Variants in UBE2F observed in about 807,000 individuals in gnomAD.
The protein encoded by UBE2F is ubiquitin conjugating enzyme E2 F (putative).
A neutral mutation model predicts 29.6 loss-of-function variants in UBE2F; 5 were observed. The ratio of observed to expected loss-of-function variants is 0.17; its 90% confidence interval spans 0.09 to 0.36. The LOEUF (loss-of-function observed/expected upper bound fraction) is 0.36. UBE2F is among the 10% of genes least tolerant of loss of function. The pLI is 1.00. For missense variants in UBE2F, 141 were observed against 228.5 expected (o/e 0.62, Z 2.47); for synonymous variants, 66 against 81.8 (o/e 0.81, Z 1.04).
intron 3 of UBE2F, among the ~76,000 whole-genome samples, chr2:237,988,632 AAAG>A (rs1272927543): frequency 6.6e-6 from 1 of 151,742 alleles, no homozygotes; most frequent in African/African-American, 2.4e-5. Context: ...AAAAAAAAAA[AAAG>A]AGCAAGGTTC....
chr2:238,022,033 C>A (rs1269739656), intron 5 of UBE2F, among the ~76,000 whole-genome samples: 1 of 152,190 alleles, frequency 6.6e-6, no homozygotes, highest in Non-Finnish European at 1.5e-5. Flanking sequence ...GCATCCTCAC[C>A]ATCCATGTTT....
chr2:238,013,039 G>A (rs1053091802), intron 4 of UBE2F, among the ~76,000 whole-genome samples: 1 of 152,146 alleles, frequency 6.6e-6, no homozygotes, highest in Admixed American at 6.5e-5. Flanking sequence ...ACTTTGGGGA[G>A]GCCAAGATGG....
chr2:237,984,996 C>CAAAAAAA (rs55984976), intron 2 of UBE2F, among the ~76,000 whole-genome samples: 1 of 129,978 alleles, frequency 7.7e-6, no homozygotes. Flanking sequence ...TGGAAAAAGG[C>CAAAAAAA]AAAAAAAAAA....
intron 3 of UBE2F, among the ~76,000 whole-genome samples, chr2:237,992,362 G>A (rs935741061): frequency 6.6e-6 from 1 of 152,184 alleles, no homozygotes; most frequent in Non-Finnish European, 1.5e-5. Flanking sequence ...ATTTATCTTT[G>A]CAAGTTAAGA....
intron 4 of UBE2F, among the ~76,000 whole-genome samples, chr2:238,005,713 A>G (rs1055717392): frequency 7.2e-5 from 11 of 151,814 alleles, no homozygotes; most frequent in African/African-American, 2.7e-4. Flanking sequence ...ACATGACTAT[A>G]TGTGTGTGGG....
intron 1 of UBE2F, among the ~76,000 whole-genome samples, chr2:237,971,882 C>T (rs2063183607): frequency 6.6e-6 from 1 of 152,154 alleles, no homozygotes; most frequent in South Asian, 2.1e-4. Context: ...TGTGTTGGGG[C>T]AGGGGGCGTA....
Position 237,982,283 on chromosome 2 carries a change from G to A in UBE2F, c.119-5680G>A, listed in dbSNP as rs1354247028. On this transcript the variant is annotated intron_variant, in intron 2 of 9. Transcript: ENST00000272930. The surrounding 1 kb of genome is among the most constrained non-coding windows in gnomAD (Gnocchi z 4.1). ...TGCTCCCGCACCCCTATCCCCGTAG[G>A]AGAAGGGGCCTGGCTCTGTTGCCCA... 6.6e-6 allele frequency among the ~76,000 whole-genome samples: 1 copy of A among 152,108 alleles called. No individual in the cohort carries two copies. Among genetic ancestry groups the A allele is most frequent in the Non-Finnish European group, 1.5e-5 (1 of 68,022 alleles).
chr2:237,975,460 T>G (rs2063262550), intron 2 of UBE2F, among the ~76,000 whole-genome samples: 1 of 152,148 alleles, frequency 6.6e-6, no homozygotes, highest in African/African-American at 2.4e-5. Context: ...AAGGGTTGAT[T>G]AGTGTATTCG....
At chr2:237,975,457 GATT>G (rs2063262413) in intron 2 of UBE2F, among the ~76,000 whole-genome samples, 1 of 152,132 alleles carries the variant, frequency 6.6e-6, no homozygotes, top group African/African-American at 2.4e-5. Context: ...GCAAAGGGTT[GATT>G]AGTGTATTCG....
chr2:238,007,377 C>G (rs1576618483), intron 4 of UBE2F, among the ~76,000 whole-genome samples: 1 of 152,102 alleles, frequency 6.6e-6, no homozygotes, highest in East Asian at 1.9e-4. Context: ...CCACCTTGGT[C>G]TCCCAAAGTG....
At position 238,034,439 on chromosome 2, in the gene UBE2F, A is replaced by T. The variant is rs536634212; in HGVS notation, c.445-1439A>T. On this transcript the variant is annotated intron_variant, in intron 8 of 9. Transcript: ENST00000272930. ...GCGAAAATCCGTCTCAAAAAAAAAA[A>T]TTTTTTTTTAAGAAATCTGCTACAG... 5.4e-3 allele frequency among the ~76,000 whole-genome samples: 817 copies of T among 151,588 alleles called. 8 individuals carry two copies. Among genetic ancestry groups the T allele is most frequent in the African/African-American group, 0.019 (783 of 41,364 alleles).
intron 9 of UBE2F, among the ~76,000 whole-genome samples, chr2:238,036,635 G>A (rs1211448418): frequency 1.3e-5 from 2 of 152,140 alleles, no homozygotes; most frequent in Non-Finnish European, 2.9e-5. Context: ...AGGAGTTTGA[G>A]ACCAGCCTGG....
rs183113955 is a variant in UBE2F, at chr2:238,037,294, C to T, written c.507+1354C>T. 2.1e-3 allele frequency among the ~76,000 whole-genome samples: 321 copies of T among 152,336 alleles called. 1 individual carries two copies. Among genetic ancestry groups the T allele is most frequent in the Non-Finnish European group, 3.1e-3 (214 of 68,036 alleles). ...TGAAAGAATTATAGTTGCTGAATGTCACCTTTCCACTGTGCTTGAGTAGCA... is the reference window on the plus strand; with the variant it reads ...TGAAAGAATTATAGTTGCTGAATGTTACCTTTCCACTGTGCTTGAGTAGCA... On this transcript the variant is annotated intron_variant, in intron 9 of 9. Transcript: ENST00000272930.
chr2:237,984,761 G>C (rs994158380), intron 2 of UBE2F, among the ~76,000 whole-genome samples: 3 of 152,078 alleles, frequency 2.0e-5, no homozygotes, highest in African/African-American at 7.2e-5. Flanking sequence ...TATTTAAGGT[G>C]TGCAACAAGA....
At chr2:238,036,030 C>A in intron 9 of UBE2F, 90 bp downstream of exon 9, 1 of 1,201,224 alleles carries the variant, frequency 8.3e-7, no homozygotes, top group Non-Finnish European at 1.2e-6. Context: ...AGAAATTTAT[C>A]CACCAAGAGA....
At position 237,994,419 on chromosome 2, in the gene UBE2F, T is replaced by C. The variant is rs58015596; in HGVS notation, c.149-325T>C. Among the ~76,000 whole-genome samples the C allele has an allele frequency of 1.1e-3, 166 of 152,348 alleles. 2 individuals are homozygous for C. In the East Asian group the frequency reaches 0.027, roughly 24 times the overall value. On this transcript the variant is annotated intron_variant, in intron 3 of 9. Transcript: ENST00000272930. ...TGCATGTATTAATCTCCCTGAGATA[T>C]GGTTTCTTCTTGTCAAAGTACAGTA...
chr2:238,011,183 TGCAG>T (rs2064018441), intron 4 of UBE2F, among the ~76,000 whole-genome samples: 1 of 152,178 alleles, frequency 6.6e-6, no homozygotes, highest in South Asian at 2.1e-4. Flanking sequence ...GCCAGCTACA[TGCAG>T]GGGCCTGCAG....
At chr2:237,972,827 A>G (rs1026038) in intron 1 of UBE2F, among the ~76,000 whole-genome samples, 64,441 of 151,922 alleles carry the variant, frequency 0.42, 13,989 homozygotes, top group East Asian at 0.71. Flanking sequence ...TGCTGGGATT[A>G]TAGTTGTGAG....
At chr2:238,036,877 C>T (rs2064724138) in intron 9 of UBE2F, among the ~76,000 whole-genome samples, 1 of 152,068 alleles carries the variant, frequency 6.6e-6, no homozygotes, top group South Asian at 2.1e-4. Flanking sequence ...GTGTCACACC[C>T]ACTAGCACCC....
Sources: gnomAD v4.1 joint callset for allele counts (sites outside exome capture counted in the v4.1 genomes callset) on GRCh38, gnomAD v4.1.1 for gene constraint, Gnocchi (gnomAD v3.1) non-coding constraint, MANE v1.5 for transcripts, NCBI Gene and HGNC (gene_info 2026-07-23, HGNC 2026-07-21) for gene names.